Variants in SLC24A2 observed in about 807,000 individuals in gnomAD.
The protein encoded by SLC24A2 is solute carrier family 24 member 2.
In SLC24A2, 36 loss-of-function variants were observed where a neutral mutation model predicts 62.0. That is an observed-to-expected ratio of 0.58 (90% CI 0.44 to 0.77). The LOEUF is 0.77. SLC24A2 is among the 30% of genes least tolerant of loss of function. The probability of loss-of-function intolerance (pLI) is 0.00; values close to 1 mark genes in which losing one functional copy is unlikely to be tolerated. For missense variants in SLC24A2, 846 were observed against 817.9 expected (o/e 1.03, Z -0.42); for synonymous variants, 358 against 294.0 (o/e 1.22, Z -2.23).
the SLC24A2 span, among the ~76,000 whole-genome samples, chr9:19,975,556 A>G: frequency 6.6e-6 from 1 of 152,240 alleles, no homozygotes; most frequent in Non-Finnish European, 1.5e-5. Context: ...AAAGGAAGAC[A>G]AAAATATTCA....
intron 5 of SLC24A2, among the ~76,000 whole-genome samples, chr9:19,595,982 G>A (rs1220813180): frequency 1.3e-5 from 2 of 152,134 alleles, no homozygotes; most frequent in African/African-American, 4.8e-5. Flanking sequence ...GCTGCCCATG[G>A]GTCTGCATTT....
the SLC24A2 span, among the ~76,000 whole-genome samples, chr9:19,895,366 C>A: frequency 6.6e-6 from 1 of 151,890 alleles, no homozygotes; most frequent in Non-Finnish European, 1.5e-5. Flanking sequence ...CACCGGAGAG[C>A]CCAAAGCTGT....
At chr9:19,879,450 TTATTACC>T in the SLC24A2 span, among the ~76,000 whole-genome samples, 1 of 152,232 alleles carries the variant, frequency 6.6e-6, no homozygotes, top group South Asian at 2.1e-4. Flanking sequence ...GGTGTAGTCA[TTATTACC>T]TATTTAGTTT....
chr9:19,762,449 G>A (rs1000374290), intron 2 of SLC24A2, among the ~76,000 whole-genome samples: 4 of 152,072 alleles, frequency 2.6e-5, no homozygotes, highest in African/African-American at 9.7e-5. Flanking sequence ...TAGGTCTTAC[G>A]TTTAAGTCTT....
the SLC24A2 span, among the ~76,000 whole-genome samples, chr9:20,162,538 T>C: frequency 6.6e-6 from 1 of 152,074 alleles, no homozygotes; most frequent in African/African-American, 2.4e-5. Flanking sequence ...CACAGCCGAA[T>C]TCTACCAGAA....
chr9:20,178,491 T>C, the SLC24A2 span, among the ~76,000 whole-genome samples: 43 of 152,302 alleles, frequency 2.8e-4, no homozygotes, highest in African/African-American at 9.4e-4. Context: ...CTGCCTTCTG[T>C]TCCTCTGACT....
chr9:19,776,027 G>A (rs548986529), intron 2 of SLC24A2, among the ~76,000 whole-genome samples: 4 of 152,294 alleles, frequency 2.6e-5, no homozygotes, highest in African/African-American at 9.6e-5. Flanking sequence ...AAATATAAAA[G>A]TGCCTTATGC....
At chr9:20,027,038 C>T in the SLC24A2 span, among the ~76,000 whole-genome samples, 1 of 152,130 alleles carries the variant, frequency 6.6e-6, no homozygotes, top group Non-Finnish European at 1.5e-5. Context: ...AGAAGACATA[C>T]ATATGGCCAA....
At chr9:20,009,936 C>A in the SLC24A2 span, among the ~76,000 whole-genome samples, 2 of 152,186 alleles carry the variant, frequency 1.3e-5, no homozygotes, top group African/African-American at 4.8e-5. Flanking sequence ...AGAGACCTCA[C>A]TCAACCTTGG....
At chr9:20,033,340 T>C in the SLC24A2 span, among the ~76,000 whole-genome samples, 1 of 152,208 alleles carries the variant, frequency 6.6e-6, no homozygotes, top group African/African-American at 2.4e-5. Flanking sequence ...CCACCACAGA[T>C]AAGTGGAGAC....
chr9:19,675,618 G>T (rs1464714109), intron 2 of SLC24A2, among the ~76,000 whole-genome samples: 1 of 152,188 alleles, frequency 6.6e-6, no homozygotes, highest in African/African-American at 2.4e-5. Context: ...GTGTCATGAA[G>T]GTCGCCAGGG....
chr9:19,838,273 C>T, the SLC24A2 span, among the ~76,000 whole-genome samples: 1 of 152,058 alleles, frequency 6.6e-6, no homozygotes, highest in East Asian at 1.9e-4. Context: ...CACATATCTA[C>T]AACTATCTGA....
the SLC24A2 span, among the ~76,000 whole-genome samples, chr9:19,860,827 T>G: frequency 6.6e-6 from 1 of 152,112 alleles, no homozygotes; most frequent in Non-Finnish European, 1.5e-5. Context: ...GGGCCCGAGG[T>G]GGCAGTGGCC....
At chr9:19,892,508 G>A in the SLC24A2 span, among the ~76,000 whole-genome samples, 1 of 152,130 alleles carries the variant, frequency 6.6e-6, no homozygotes, top group Non-Finnish European at 1.5e-5. Flanking sequence ...TTTGCTGACT[G>A]CCTGCCTGAT....
At chr9:19,966,601 C>G in the SLC24A2 span, among the ~76,000 whole-genome samples, 1 of 152,140 alleles carries the variant, frequency 6.6e-6, no homozygotes, top group South Asian at 2.1e-4. Flanking sequence ...TGGGCTTAAT[C>G]TGCCACATTC....
the SLC24A2 span, among the ~76,000 whole-genome samples, chr9:20,078,061 T>C: frequency 6.8e-6 from 1 of 148,142 alleles, no homozygotes; most frequent in Admixed American, 6.6e-5. Flanking sequence ...GGTTGGGGGA[T>C]ACTTTCTGGT....
At chr9:20,071,970 A>T in the SLC24A2 span, among the ~76,000 whole-genome samples, 9 of 152,066 alleles carry the variant, frequency 5.9e-5, no homozygotes, top group Non-Finnish European at 1.2e-4. Context: ...ATGAAGAGAT[A>T]CAGACGGCAA....
chr9:20,107,818 T>G, the SLC24A2 span, among the ~76,000 whole-genome samples: 28 of 152,134 alleles, frequency 1.8e-4, no homozygotes, highest in African/African-American at 6.0e-4. Context: ...CCAAAAGCAA[T>G]GGCAACAAAA....
chr9:20,298,824 G>A, the SLC24A2 span, among the ~76,000 whole-genome samples: 1 of 152,348 alleles, frequency 6.6e-6, no homozygotes, highest in Non-Finnish European at 1.5e-5. Flanking sequence ...TAAAAAGGTA[G>A]TGAGTTATCC....
Sources: allele counts gnomAD v4.1 joint callset (sites outside exome capture counted in the v4.1 genomes callset), GRCh38; gene constraint gnomAD v4.1.1; transcripts MANE v1.5; gene names NCBI Gene and HGNC (gene_info 2026-07-23, HGNC 2026-07-21).